LRP1B: variants seen among roughly 807,000 people sequenced by gnomAD.
LRP1B encodes the protein low-density lipoprotein receptor-related protein 1B.
Under a neutral mutation model 556.6 loss-of-function variants are expected in LRP1B, and 217 were observed. The ratio of observed to expected loss-of-function variants is 0.39; its 90% CI spans 0.35 to 0.44. The LOEUF (loss-of-function observed/expected upper bound fraction) is 0.44, where lower values mean the gene tolerates loss of function less well. Among genes scored for constraint, LRP1B ranks in the 20% least tolerant of loss-of-function variants. The pLI, the probability that LRP1B is intolerant of heterozygous loss-of-function variation, is 1.00. For missense variants in LRP1B, 5,053 were observed against 5,620.8 expected (o/e 0.90, Z 3.23); for synonymous variants, 2,047 against 1,865.8 (o/e 1.10, Z -2.50).
intron 66 of LRP1B, among the ~76,000 whole-genome samples, chr2:140,417,065 G>A (rs1161738904): frequency 1.3e-5 from 2 of 152,132 alleles, no homozygotes; most frequent in African/African-American, 2.4e-5. Context: ...ACTAAGCCAG[G>A]AAACCTTCAA....
chr2:141,675,765 C>T (rs560530548), intron 2 of LRP1B, among the ~76,000 whole-genome samples: 5 of 151,686 alleles, frequency 3.3e-5, no homozygotes, highest in East Asian at 1.9e-4. Flanking sequence ...GCAATTCTTA[C>T]ATCCTTGATT....
intron 11 of LRP1B, among the ~76,000 whole-genome samples, chr2:141,038,475 T>C (rs1000796602): frequency 2.0e-5 from 3 of 152,056 alleles, no homozygotes; most frequent in African/African-American, 4.8e-5. Context: ...TAAAGGTCAG[T>C]GGGAGGTAAA....
chr2:141,934,527 G>A (rs965153652), intron 1 of LRP1B, among the ~76,000 whole-genome samples: 1 of 152,056 alleles, frequency 6.6e-6, no homozygotes, highest in African/African-American at 2.4e-5. Context: ...AAAATTCAGA[G>A]CAAAATAATT....
intron 3 of LRP1B, among the ~76,000 whole-genome samples, chr2:141,312,912 C>A (rs550782693): frequency 2.0e-5 from 3 of 152,082 alleles, no homozygotes; most frequent in Admixed American, 2.0e-4. Flanking sequence ...AACTCCTGAC[C>A]TCAGTTGATC....
At chr2:140,796,704 A>G (rs1336160016) in intron 32 of LRP1B, among the ~76,000 whole-genome samples, 1 of 152,084 alleles carries the variant, frequency 6.6e-6, no homozygotes, top group East Asian at 1.9e-4. Context: ...GCGCACTGCA[A>G]AGTAACTTAT....
intron 2 of LRP1B, among the ~76,000 whole-genome samples, chr2:141,524,281 A>T (rs867506964): frequency 3.0e-5 from 3 of 99,972 alleles, no homozygotes; most frequent in South Asian, 3.5e-4. Flanking sequence ...TATATATATA[A>T]AACTCAATGC....
intron 32 of LRP1B, among the ~76,000 whole-genome samples, chr2:140,810,726 G>A (rs1046924956): frequency 6.6e-6 from 1 of 152,012 alleles, no homozygotes; most frequent in Non-Finnish European, 1.5e-5. Context: ...GCCAGTAAAG[G>A]CATTACGAGG....
intron 1 of LRP1B, among the ~76,000 whole-genome samples, chr2:141,985,286 C>T (rs1702154514): frequency 6.6e-6 from 1 of 152,084 alleles, no homozygotes; most frequent in African/African-American, 2.4e-5. Context: ...TGAATTTAGG[C>T]AGTGGAAAGT....
rs566748849 is a variant in LRP1B at position 140,899,663 on chromosome 2, A to G, written c.3766+3257T>C. Among the ~76,000 whole-genome samples, 259 of 152,336 alleles carry G rather than the reference A, an allele frequency of 1.7e-3. 1 individual carries two copies. Among genetic ancestry groups the G allele is most frequent in the African/African-American group, 5.9e-3 (246 of 41,584 alleles). On this transcript the variant is annotated intron_variant, in intron 23 of 90. Transcript: ENST00000389484. Reference sequence around the variant, plus strand: ...TTTATACTTGGAATTTAGGACTTACATAAATATGGGACTGTTTGTCTTGAA... The same window carrying G: ...TTTATACTTGGAATTTAGGACTTACGTAAATATGGGACTGTTTGTCTTGAA...
chr2:140,425,386 T>G (rs564992614), intron 66 of LRP1B, among the ~76,000 whole-genome samples: 1 of 152,008 alleles, frequency 6.6e-6, no homozygotes, highest in African/African-American at 2.4e-5. Flanking sequence ...CTGATTCAAT[T>G]ATCTGTTCAC....
chr2:140,601,317 AG>A, intron 42 of LRP1B, 132 bp downstream of exon 42: 1 of 769,898 alleles, frequency 1.3e-6, no homozygotes, highest in Non-Finnish European at 1.9e-6. Flanking sequence ...TAAAAAAAAA[AG>A]TTTTATGAAT....
At chr2:140,304,844 GAA>G (rs879593887) in intron 83 of LRP1B, among the ~76,000 whole-genome samples, 1 of 152,178 alleles carries the variant, frequency 6.6e-6, no homozygotes, top group Non-Finnish European at 1.5e-5. Flanking sequence ...AAGGTGTAAA[GAA>G]GTGATCCAGT....
At chr2:140,506,407 C>T (rs1049996175) in intron 53 of LRP1B, among the ~76,000 whole-genome samples, 17 of 151,802 alleles carry the variant, frequency 1.1e-4, no homozygotes, top group African/African-American at 2.9e-4. Flanking sequence ...CCATGCCTGA[C>T]GAATTTTTGT....
At chr2:141,808,598 A>T (rs1410959979) in intron 2 of LRP1B, among the ~76,000 whole-genome samples, 4 of 152,150 alleles carry the variant, frequency 2.6e-5, no homozygotes, top group Admixed American at 2.0e-4. Flanking sequence ...AATTCACATG[A>T]CATAATTCAC....
chr2:140,393,666 A>T (rs746477201), intron 66 of LRP1B, among the ~76,000 whole-genome samples: 1 of 152,130 alleles, frequency 6.6e-6, no homozygotes, highest in South Asian at 2.1e-4. Flanking sequence ...TAAATAAATA[A>T]ATAAATAAAT....
intron 66 of LRP1B, among the ~76,000 whole-genome samples, chr2:140,397,256 TG>T (rs1306713611): frequency 6.6e-6 from 1 of 152,110 alleles, no homozygotes; most frequent in Non-Finnish European, 1.5e-5. Flanking sequence ...CGTGTGCCAT[TG>T]TGGTTTGCTG....
Position 141,170,117 on chromosome 2 carries a change from C to G in LRP1B, c.1013+18304G>C, listed in dbSNP as rs556382865. On this transcript the variant is annotated intron_variant, in intron 7 of 90. Transcript: ENST00000389484. ...TGACAGGAAATGATAGATATGATAACAAACTCACATAAGTCACTTTTTAAT... is the reference window on the plus strand; with the variant it reads ...TGACAGGAAATGATAGATATGATAAGAAACTCACATAAGTCACTTTTTAAT... Among the ~76,000 whole-genome samples the G allele has an allele frequency of 2.8e-4, 42 of 152,146 alleles. No homozygotes were observed. The South Asian group carries it at 8.5e-3, about 31-fold the overall frequency.
chr2:141,247,122 C>T (rs2105326470), intron 5 of LRP1B, 104 bp downstream of exon 5: 3 of 1,320,548 alleles, frequency 2.3e-6, no homozygotes, highest in South Asian at 1.2e-5. Context: ...AAATCTCTCT[C>T]TTCAAAGTCC....
intron 66 of LRP1B, among the ~76,000 whole-genome samples, chr2:140,403,109 G>A (rs1296437303): frequency 6.6e-6 from 1 of 151,820 alleles, no homozygotes; most frequent in Admixed American, 6.6e-5. Flanking sequence ...TATACTTACG[G>A]GGAGAAAAGA....
Sources: gnomAD v4.1 joint callset for allele counts (sites outside exome capture counted in the v4.1 genomes callset) on GRCh38, gnomAD v4.1.1 for gene constraint, MANE v1.5 for transcripts, NCBI Gene and HGNC (gene_info 2026-07-23, HGNC 2026-07-21) for gene names.